The following SCAI variants were observed in gnomAD, a reference collection of about 807,000 sequenced individuals.
SCAI encodes the protein suppressor of cancer cell invasion.
In SCAI, 24 loss-of-function variants were observed where a neutral mutation model predicts 92.2. The ratio of observed to expected loss-of-function variants is 0.26; its 90% CI spans 0.19 to 0.37. SCAI has a LOEUF of 0.37. SCAI is among the 10% of genes least tolerant of loss of function. The pLI, the probability that SCAI is intolerant of heterozygous loss-of-function variation, is 1.00. For missense variants in SCAI, 450 were observed against 736.2 expected (o/e 0.61, Z 4.50); for synonymous variants, 261 against 258.6 (o/e 1.01, Z -0.09).
chr9:124,983,470 A>G (rs1377459095), intron 14 of SCAI, among the ~76,000 whole-genome samples: 1 of 152,170 alleles, frequency 6.6e-6, no homozygotes, highest in Non-Finnish European at 1.5e-5. Flanking sequence ...TCCCTGCCTC[A>G]GCCTCCCTAC....
At chr9:125,125,356 C>T (rs1374948791) in intron 2 of SCAI, among the ~76,000 whole-genome samples, 2 of 152,092 alleles carry the variant, frequency 1.3e-5, no homozygotes, top group East Asian at 3.9e-4. Flanking sequence ...TGGTGAAACC[C>T]TGTCTCTACT....
chr9:125,121,368 C>T (rs1835152515), intron 2 of SCAI, among the ~76,000 whole-genome samples: 1 of 150,868 alleles, frequency 6.6e-6, no homozygotes, highest in African/African-American at 2.4e-5. Flanking sequence ...AAAGTAGTGA[C>T]TAGAAACCTG....
At chr9:124,972,886 C>G (rs1323833620) in intron 15 of SCAI, among the ~76,000 whole-genome samples, 4 of 152,170 alleles carry the variant, frequency 2.6e-5, no homozygotes, top group Non-Finnish European at 5.9e-5. Context: ...CTATTTTCAT[C>G]CATGCCCCTC....
At chr9:124,972,647 C>T (rs1173671770) in intron 15 of SCAI, among the ~76,000 whole-genome samples, 2 of 152,222 alleles carry the variant, frequency 1.3e-5, no homozygotes, top group African/African-American at 4.8e-5. Flanking sequence ...ACCTCAAACT[C>T]AACATGTCAA....
chr9:125,009,683 G>GT (rs1271409914), intron 9 of SCAI, among the ~76,000 whole-genome samples: 5 of 150,200 alleles, frequency 3.3e-5, no homozygotes, highest in Admixed American at 3.3e-4. Flanking sequence ...GAGGCTAGGA[G>GT]TTTGAGACCA....
chr9:124,964,190 T>C (rs991949867), intron 17 of SCAI, among the ~76,000 whole-genome samples: 3 of 152,194 alleles, frequency 2.0e-5, no homozygotes, highest in Non-Finnish European at 2.9e-5. Flanking sequence ...TGTCCATTTG[T>C]TTTCTGCCAC....
chr9:125,003,324 G>T, intron 10 of SCAI, 109 bp from the exon 11 acceptor site: 1 of 1,017,240 alleles, frequency 9.8e-7, no homozygotes, highest in Non-Finnish European at 1.6e-6. Flanking sequence ...TTCACACTCA[G>T]TCTTACTGTG....
rs1484259593 is a variant in SCAI, at chr9:125,091,736, C to T, written c.99-35729G>A. On this transcript the variant is annotated intron_variant, in intron 2 of 17. Transcript: ENST00000336505. This position sits in a 1 kb window ranked among gnomAD's most constrained non-coding sequence, Gnocchi z 4.3. ...TTTCCAGAGCCCTATCTCACACTTT[C>T]TCTTCTCTCCTCAAACATCCAACAT... Among the ~76,000 whole-genome samples, 2 of 152,138 alleles carry T rather than the reference C, an allele frequency of 1.3e-5. No individual in the cohort carries two copies. Among genetic ancestry groups the T allele is most frequent in the African/African-American group, 4.8e-5 (2 of 41,414 alleles).
chr9:125,025,745 A>G (rs950590383), intron 6 of SCAI, among the ~76,000 whole-genome samples: 1 of 152,246 alleles, frequency 6.6e-6, no homozygotes, highest in Non-Finnish European at 1.5e-5. Flanking sequence ...AAACGCCCCT[A>G]GACAAGTCTG....
intron 2 of SCAI, among the ~76,000 whole-genome samples, chr9:125,094,362 G>T (rs1476574671): frequency 2.6e-5 from 4 of 152,164 alleles, no homozygotes; most frequent in Non-Finnish European, 5.9e-5. Context: ...CCACAGGGTT[G>T]TCTTGGAATT....
At chr9:125,059,874 A>G (rs1477390168) in intron 2 of SCAI, among the ~76,000 whole-genome samples, 1 of 152,150 alleles carries the variant, frequency 6.6e-6, no homozygotes, top group Non-Finnish European at 1.5e-5. Context: ...CCTCTGAACA[A>G]ATCCTACTCT....
intron 14 of SCAI, among the ~76,000 whole-genome samples, chr9:124,989,505 T>C (rs1057512589): frequency 6.6e-6 from 1 of 151,976 alleles, no homozygotes; most frequent in Non-Finnish European, 1.5e-5. Flanking sequence ...CACTTGAACC[T>C]GGGAGGCGGA....
chr9:125,098,916 G>A (rs967671376), intron 2 of SCAI, among the ~76,000 whole-genome samples: 45 of 151,854 alleles, frequency 3.0e-4, no homozygotes, highest in African/African-American at 1.1e-3. Context: ...GAACATCTAC[G>A]ACATCAAAAT....
intron 17 of SCAI, among the ~76,000 whole-genome samples, chr9:124,965,468 A>G (rs1831522205): frequency 6.6e-6 from 1 of 152,152 alleles, no homozygotes; most frequent in South Asian, 2.1e-4. Flanking sequence ...ATCTTGACCT[A>G]AGGTGATCCA....
At chr9:125,124,807 C>G (rs1835226761) in intron 2 of SCAI, among the ~76,000 whole-genome samples, 1 of 152,074 alleles carries the variant, frequency 6.6e-6, no homozygotes, top group Admixed American at 6.6e-5. Context: ...CCCAAAAAGC[C>G]AAGAAAAGGG....
At chr9:125,042,634 T>TGTGTAC (rs761672178) in intron 3 of SCAI, among the ~76,000 whole-genome samples, 3 of 96,192 alleles carry the variant, frequency 3.1e-5, no homozygotes, top group African/African-American at 1.2e-4. Context: ...TGTGTGTGTG[T>TGTGTAC]ACACACACAC....
At chr9:124,968,422 T>C in intron 17 of SCAI, 4 of 1,139,390 alleles carry the variant, frequency 3.5e-6, no homozygotes, top group Non-Finnish European at 5.3e-6. Flanking sequence ...TTTTTCTCAG[T>C]CCAGTCATAA....
chr9:125,059,592 A>T (rs537505731), intron 2 of SCAI, among the ~76,000 whole-genome samples: 5 of 152,376 alleles, frequency 3.3e-5, no homozygotes, highest in Admixed American at 6.5e-5. Flanking sequence ...CACTGAAACC[A>T]GCATAGTTGC....
intron 2 of SCAI, among the ~76,000 whole-genome samples, chr9:125,069,617 C>CT (rs919064250): frequency 0.016 from 1,461 of 90,970 alleles, 18 homozygotes; most frequent in Non-Finnish European, 0.02. Context: ...TGCACCCGGT[C>CT]TTTTTTTTTT....
Sources: allele counts gnomAD v4.1 joint callset (sites outside exome capture counted in the v4.1 genomes callset), GRCh38; gene constraint gnomAD v4.1.1; non-coding constraint Gnocchi (gnomAD v3.1); transcripts MANE v1.5; gene names NCBI Gene and HGNC (gene_info 2026-07-23, HGNC 2026-07-21).